Variants in PSTPIP1 observed in about 807,000 individuals in gnomAD.
PSTPIP1 encodes the protein proline-serine-threonine phosphatase-interacting protein 1.
A neutral mutation model predicts 69.6 loss-of-function variants in PSTPIP1; 66 were observed. The observed-to-expected ratio is 0.95, with a 90% CI of 0.78 to 1.16. The LOEUF is 1.16. Ranked by LOEUF, PSTPIP1 falls within the 50% of genes most tolerant of loss-of-function variation. PSTPIP1 has a pLI of 0.00. For missense variants in PSTPIP1, 603 were observed against 557.4 expected, an observed-to-expected ratio of 1.08 and a Z score of -0.82; for synonymous variants, 266 against 222.7, an observed-to-expected ratio of 1.19 and a Z score of -1.73.
chr15:77,014,545 C>T (rs532014562), intron 1 of PSTPIP1, among the ~76,000 whole-genome samples: 143 of 152,346 alleles, frequency 9.4e-4, no homozygotes, highest in Non-Finnish European at 1.5e-3. Context: ...CCTCCTGCCC[C>T]CACTTTCCCA....
At chr15:77,003,211 C>T (rs1007172369) in intron 1 of PSTPIP1, among the ~76,000 whole-genome samples, 3 of 152,172 alleles carry the variant, frequency 2.0e-5, no homozygotes, top group Admixed American at 6.5e-5. Flanking sequence ...TCACCCAGAG[C>T]CTGGCTGACG....
At chr15:77,032,523 A>C in intron 11 of PSTPIP1, 129 bp downstream of exon 11, 1 of 1,011,390 alleles carries the variant, frequency 9.9e-7, no homozygotes, top group Non-Finnish European at 1.5e-6. Context: ...GAGAAGCCCT[A>C]GCAGGGGTTG....
chr15:77,001,222 T>C (rs1596042975), intron 1 of PSTPIP1, among the ~76,000 whole-genome samples: 2 of 152,374 alleles, frequency 1.3e-5, no homozygotes, highest in South Asian at 4.1e-4. Context: ...TTGGGGATTA[T>C]TTCTTTGGGC....
chr15:77,018,013 CA>C, intron 1 of PSTPIP1, 134 bp from the exon 2 acceptor site: 1 of 839,164 alleles, frequency 1.2e-6, no homozygotes, highest in Non-Finnish European at 1.9e-6. Flanking sequence ...TCTGGAGTCC[CA>C]AGAGCTTGCC....
At chr15:77,007,762 T>G in intron 1 of PSTPIP1, 1 of 367,080 alleles carries the variant, frequency 2.7e-6, no homozygotes. Flanking sequence ...GCCCAGCTAA[T>G]TTTTTTGTAT....
rs753672012 is a variant in PSTPIP1 at position 77,035,941 on chromosome 15, G to A, written c.1119+6G>A. On this transcript the variant is annotated splice_donor_region_variant and intron_variant, in intron 14 of 14. Transcript: ENST00000558012. The stretch of plus-strand genomic sequence containing the variant: ...TCTACGATTATACAGCGCAGGTGAG[G>A]CCTCTATACCCCAAACCCACCTGTG... 2 of 1,591,790 alleles carry A rather than the reference G, an allele frequency of 1.3e-6. No individual in the cohort carries two copies. The highest frequency in any genetic ancestry group is 4.6e-5 in the East Asian group (2 of 43,906).
intron 1 of PSTPIP1, among the ~76,000 whole-genome samples, chr15:77,016,894 G>T (rs533131872): frequency 1.3e-5 from 2 of 152,312 alleles, no homozygotes; most frequent in East Asian, 3.9e-4. Flanking sequence ...TGGGTCAGGG[G>T]AAGGAGTACC....
intron 1 of PSTPIP1, among the ~76,000 whole-genome samples, chr15:77,000,941 G>A (rs1235072098): frequency 6.6e-6 from 1 of 152,052 alleles, no homozygotes; most frequent in Non-Finnish European, 1.5e-5. Context: ...GTATGGTTCA[G>A]TAGCGCTAGG....
At chr15:77,034,037 T>TAGAGAG (rs139918038) in intron 12 of PSTPIP1, among the ~76,000 whole-genome samples, 1 of 149,994 alleles carries the variant, frequency 6.7e-6, no homozygotes, top group Non-Finnish European at 1.5e-5. Context: ...CAGAGAGGAT[T>TAGAGAG]AGAGAGAGAG....
intron 3 of PSTPIP1, among the ~76,000 whole-genome samples, chr15:77,021,743 C>A (rs1257594288): frequency 1.3e-5 from 2 of 152,204 alleles, no homozygotes; most frequent in Non-Finnish European, 2.9e-5. Context: ...ACATGTCCAG[C>A]CCTGCAGAGA....
rs112919436 is a variant in PSTPIP1, at chr15:77,027,138, G to A, written c.355-714G>A. 9.8e-3 allele frequency among the ~76,000 whole-genome samples: 1,490 copies of A among 152,350 alleles called. 22 individuals are homozygous for A. The highest frequency in any genetic ancestry group is 0.034 in the African/African-American group (1,401 of 41,580). ...TTGTGCTGTGTGTGTGTGAGTGCCT[G>A]TGCCTCGCTGGTCTCCCAGCTGGCA... On this transcript the variant is annotated intron_variant, in intron 5 of 14. Coordinates refer to ENST00000558012, the MANE Select transcript of PSTPIP1 (RefSeq NM_003978.5). The surrounding 1 kb of genome is among the most constrained non-coding windows in gnomAD (Gnocchi z 4.3).
At chr15:77,026,138 G>C in intron 5 of PSTPIP1, 1 of 456,134 alleles carries the variant, frequency 2.2e-6, no homozygotes, top group Admixed American at 2.3e-5. Flanking sequence ...CCGAGACAGA[G>C]TGACTGCATG....
At position 77,037,065 on chromosome 15, in the gene PSTPIP1, G is replaced by A. The variant is rs2076596166; in HGVS notation, c.1140G>A (p.Leu380=). The change falls in exon 15 of 15, where the codon CTG becomes CTA. Residue 380 remains leucine, a synonymous_variant. Coordinates refer to ENST00000558012, the MANE Select transcript of PSTPIP1 (RefSeq NM_003978.5). ...GCCAGAACCCAGATGAGCTGGACCT[G>A]TCCGCGGGAGACATCCTGGAGGTGA... ...YTAQNPDELD[L]SAGDILEVIL... 6.2e-7 allele frequency: 1 copy of A among 1,612,182 alleles called. No individual in the cohort carries two copies. Among genetic ancestry groups the A allele is most frequent in the African/African-American group, 1.3e-5 (1 of 74,926 alleles).
intron 3 of PSTPIP1, among the ~76,000 whole-genome samples, chr15:77,024,730 C>T (rs1194758347): frequency 8.8e-5 from 1 of 11,338 alleles, no homozygotes; most frequent in Non-Finnish European, 2.0e-4. Flanking sequence ...GGGCCCTTCC[C>T]TCCCTCCCTC....
In PSTPIP1 at chr15:77,001,457, G is replaced by A. The variant is rs374381141; in HGVS notation, c.36+5848G>A. 4.0e-3 allele frequency among the ~76,000 whole-genome samples: 606 copies of A among 152,352 alleles called. 3 individuals are homozygous for A. The highest frequency in any genetic ancestry group is 0.011 in the South Asian group (53 of 4,830). On this transcript the variant is annotated intron_variant, in intron 1 of 14. Coordinates refer to ENST00000558012, the MANE Select transcript of PSTPIP1 (RefSeq NM_003978.5). ...AACCAGAGCCTGCACTGACTTTGTG[G>A]AAGGCCTTGCAGCCCAGCAAACTGC...
intron 3 of PSTPIP1, among the ~76,000 whole-genome samples, chr15:77,020,925 C>T (rs1042114156): frequency 6.6e-6 from 1 of 150,852 alleles, no homozygotes; most frequent in African/African-American, 2.4e-5. Flanking sequence ...TCTTCAACAT[C>T]GGGGCTGGTG....
chr15:77,031,388 C>A lies in PSTPIP1; in HGVS notation c.741+110C>A, dbSNP rs538074631. On this transcript the variant is annotated intron_variant, in intron 10 of 14. Transcript: ENST00000558012. ...AGCACCTGGTCCTCTGTGATCCAAG[C>A]CTGGCCCCAGGGGTCTCAGGCCTCA... 6 of 1,241,110 alleles carry A rather than the reference C, an allele frequency of 4.8e-6. No homozygotes were observed. The African/African-American group carries it at 7.4e-5, about 15-fold the overall frequency. 76.9% of individuals were successfully genotyped at this position (1,241,110 alleles called of 1,614,324 possible).
intron 1 of PSTPIP1, chr15:76,999,365 G>C (rs1288599465): frequency 6.6e-6 from 1 of 151,312 alleles, no homozygotes; most frequent in African/African-American, 2.4e-5. Flanking sequence ...TGCAACCTCC[G>C]CCTCCTGGGG....
chr15:77,010,356 C>T (rs1052003265), intron 1 of PSTPIP1, among the ~76,000 whole-genome samples: 7 of 152,188 alleles, frequency 4.6e-5, no homozygotes, highest in Non-Finnish European at 8.8e-5. Context: ...CACCAGGCAC[C>T]GCACACTCAA....
Sources: allele counts gnomAD v4.1 joint callset (sites outside exome capture counted in the v4.1 genomes callset), GRCh38; gene constraint gnomAD v4.1.1; non-coding constraint Gnocchi (gnomAD v3.1); transcripts MANE v1.5; gene names NCBI Gene and HGNC (gene_info 2026-07-23, HGNC 2026-07-21).